CTDSPL: variants seen among roughly 807,000 people sequenced by gnomAD.
CTDSPL encodes the protein CTD small phosphatase-like protein.
CTDSPL carries 8 observed loss-of-function variants against 30.5 expected under a neutral mutation model. The observed-to-expected ratio is 0.26, with a 90% CI of 0.15 to 0.47. The LOEUF is 0.47. CTDSPL is among the 20% of genes least tolerant of loss of function. The pLI is 0.99. For synonymous variants in CTDSPL, 110 were observed against 137.9 expected, an observed-to-expected ratio of 0.80 and a Z score of 1.42; for missense variants, 248 against 366.1, an observed-to-expected ratio of 0.68 and a Z score of 2.63.
chr3:37,977,588 T>G (rs922649595), intron 7 of CTDSPL, among the ~76,000 whole-genome samples: 5 of 151,498 alleles, frequency 3.3e-5, no homozygotes, highest in South Asian at 2.1e-4. Context: ...TTTTTTTTTT[T>G]GCAAGAATAT....
chr3:37,965,824 T>A (rs1699293607), intron 4 of CTDSPL, among the ~76,000 whole-genome samples: 1 of 152,158 alleles, frequency 6.6e-6, no homozygotes, highest in South Asian at 2.1e-4. Context: ...CACACTGACC[T>A]CTAGCAGTGA....
chr3:37,862,104 C>G lies in CTDSPL; in HGVS notation c.-96C>G. On this transcript the variant is annotated 5_prime_UTR_variant, in exon 1 of 8. Transcript: ENST00000273179. This position sits in a 1 kb window ranked among gnomAD's most constrained non-coding sequence, Gnocchi z 4.3. ...GCGCCCAGGCAGCGGCTGCGAGCGC[C>G]CCCCCGCGCCGCGCCCCCGCGCCCC... The G allele has an allele frequency of 3.3e-6, 1 of 306,426 alleles. No homozygotes were observed. The allele number at this position is 306,426 out of a possible 1,614,324, so 19.0% of individuals were successfully genotyped here.
At chr3:37,891,804 T>G (rs996287350) in intron 1 of CTDSPL, among the ~76,000 whole-genome samples, 2 of 152,178 alleles carry the variant, frequency 1.3e-5, no homozygotes, top group East Asian at 1.9e-4. Context: ...ATAAGGATGA[T>G]GTACTGGTCC....
At chr3:37,880,138 T>G (rs189109635) in intron 1 of CTDSPL, among the ~76,000 whole-genome samples, 155 of 132,938 alleles carry the variant, frequency 1.2e-3, no homozygotes, top group Non-Finnish European at 1.9e-3. Flanking sequence ...AAAAATAAGA[T>G]ATATATATAT....
intron 1 of CTDSPL, among the ~76,000 whole-genome samples, chr3:37,880,501 C>A (rs1698191096): frequency 6.6e-6 from 1 of 152,226 alleles, no homozygotes; most frequent in Non-Finnish European, 1.5e-5. Context: ...TGACAGTCCA[C>A]ATTTCCTTAT....
chr3:37,924,768 G>A (rs1196101488), intron 1 of CTDSPL, among the ~76,000 whole-genome samples: 1 of 152,144 alleles, frequency 6.6e-6, no homozygotes, highest in Non-Finnish European at 1.5e-5. Context: ...GCTCATCTGT[G>A]CAGACCCAGT....
intron 1 of CTDSPL, among the ~76,000 whole-genome samples, chr3:37,908,308 A>G (rs1698540989): frequency 6.6e-6 from 1 of 152,244 alleles, no homozygotes; most frequent in African/African-American, 2.4e-5. Flanking sequence ...TAGAAAGTGG[A>G]AGGTATGGCA....
At chr3:37,884,706 C>A (rs1363158550) in intron 1 of CTDSPL, among the ~76,000 whole-genome samples, 1 of 152,018 alleles carries the variant, frequency 6.6e-6, no homozygotes, top group Non-Finnish European at 1.5e-5. Context: ...ACAGAAGTTA[C>A]CCTTAAAGGG....
At chr3:37,936,438 A>G (rs1047082929) in intron 1 of CTDSPL, among the ~76,000 whole-genome samples, 2 of 151,950 alleles carry the variant, frequency 1.3e-5, no homozygotes, top group African/African-American at 4.8e-5. Flanking sequence ...TCCCCCTTTT[A>G]TTCAAACAGA....
chr3:37,964,032 TAAAAAAAAAAAA>T (rs58061973), intron 3 of CTDSPL, among the ~76,000 whole-genome samples: 27 of 22,988 alleles, frequency 1.2e-3, no homozygotes, highest in African/African-American at 1.9e-3. Context: ...TCTCAGTCAC[TAAAAAAAAAAAA>T]AAAAAAAAAA....
intron 7 of CTDSPL, among the ~76,000 whole-genome samples, chr3:37,979,849 T>A (rs1699469760): frequency 6.6e-6 from 1 of 152,208 alleles, no homozygotes; most frequent in African/African-American, 2.4e-5. Context: ...GCTTTTTTTC[T>A]TAATGGTTTA....
In CTDSPL at chr3:37,866,721, C is replaced by G. The variant is rs149079908; in HGVS notation, c.79+4443C>G. ...AAATTTGTTTGGGCAGATATTTTTG[C>G]CTAAGGTGCTAGGTGTGTTTCCTTT... On this transcript the variant is annotated intron_variant, in intron 1 of 7. Transcript: ENST00000273179. 9.9e-5 allele frequency among the ~76,000 whole-genome samples: 15 copies of G among 152,220 alleles called. No homozygotes were observed. In the East Asian group the frequency reaches 2.3e-3, roughly 23 times the overall value.
chr3:37,924,222 G>A (rs1698754269), intron 1 of CTDSPL, among the ~76,000 whole-genome samples: 1 of 152,162 alleles, frequency 6.6e-6, no homozygotes, highest in South Asian at 2.1e-4. Context: ...GAAGAGTATT[G>A]TGTGTCCTGT....
intron 1 of CTDSPL, among the ~76,000 whole-genome samples, chr3:37,897,900 G>A (rs935795646): frequency 6.6e-6 from 1 of 152,132 alleles, no homozygotes; most frequent in South Asian, 2.1e-4. Flanking sequence ...ACTTAGTTCC[G>A]GAAATCCAAG....
Position 37,947,175 on chromosome 3 carries a change from T to C in CTDSPL, c.198T>C (p.Leu66=), listed in dbSNP as rs139111417. The change falls in exon 2 of 8, where the codon CTT becomes CTC. Residue 66 remains leucine, a synonymous_variant. Coordinates refer to ENST00000273179, the MANE Select transcript of CTDSPL (RefSeq NM_001008392.2). ...EAPPPSSPSV[L]PPLVEENGGL... ...CTCCACCCAGCAGCCCCAGTGTGCT[T>C]CCGCCACTGGTGGAGGAGAATGGTG... The C allele has an allele frequency of 1.6e-5, 26 of 1,612,506 alleles. No homozygotes were observed. The highest frequency in any genetic ancestry group is 1.7e-6 in the Non-Finnish European group (2 of 1,179,902).
intron 1 of CTDSPL, among the ~76,000 whole-genome samples, chr3:37,872,861 C>T (rs1698092376): frequency 1.3e-5 from 2 of 152,172 alleles, no homozygotes; most frequent in Non-Finnish European, 2.9e-5. Flanking sequence ...GCATGAGCCA[C>T]CGTGCCCAGC....
In CTDSPL at chr3:37,975,593, C is replaced by T; in HGVS notation, c.520-116C>T. On this transcript the variant is annotated intron_variant, in intron 6 of 7. Coordinates refer to ENST00000273179, the MANE Select transcript of CTDSPL (RefSeq NM_001008392.2). This position sits in a 1 kb window ranked among gnomAD's most constrained non-coding sequence, Gnocchi z 4.9. ...GAGGAAAATAACCAGGATCCTAAGA[C>T]ACATCTAATTATTAAATCCATTTTT... The T allele has an allele frequency of 1.1e-6, 1 of 871,154 alleles. No individual in the cohort carries two copies. Among genetic ancestry groups the T allele is most frequent in the Non-Finnish European group, 1.8e-6 (1 of 566,378 alleles). The allele number at this position is 871,154 out of a possible 1,614,324, so 54.0% of individuals were successfully genotyped here.
intron 1 of CTDSPL, among the ~76,000 whole-genome samples, chr3:37,938,782 A>G (rs1014668685): frequency 1.3e-4 from 20 of 148,644 alleles, no homozygotes; most frequent in African/African-American, 4.4e-4. Context: ...CTGGGTTCAA[A>G]CGATTCTCCT....
At chr3:37,960,533 T>TAG (rs1168321790) in intron 3 of CTDSPL, among the ~76,000 whole-genome samples, 2 of 33,566 alleles carry the variant, frequency 6.0e-5, no homozygotes, top group East Asian at 1.2e-3. Context: ...TATATATATA[T>TAG]ATACACACAC....
Sources: gnomAD v4.1 joint callset for allele counts (sites outside exome capture counted in the v4.1 genomes callset) on GRCh38, gnomAD v4.1.1 for gene constraint, Gnocchi (gnomAD v3.1) non-coding constraint, MANE v1.5 for transcripts, NCBI Gene and HGNC (gene_info 2026-07-23, HGNC 2026-07-21) for gene names.